Variants in HMHB1 observed in about 807,000 individuals in gnomAD.
HMHB1 encodes the protein minor histocompatibility protein HB-1.
A neutral mutation model predicts 2.4 loss-of-function variants in HMHB1; 4 were observed. The observed-to-expected ratio is 1.65, with a 90% CI of 0.81 to 3.77. The LOEUF (loss-of-function observed/expected upper bound fraction) is 3.77. Among genes scored for constraint, HMHB1 ranks in the 30% most tolerant of loss-of-function variants. HMHB1 has a pLI of 0.01. For synonymous variants in HMHB1, 22 were observed against 17.6 expected, an observed-to-expected ratio of 1.25 and a Z score of -0.63; for missense variants, 57 against 44.2, an observed-to-expected ratio of 1.29 and a Z score of -0.82.
intron 1 of HMHB1, among the ~76,000 whole-genome samples, chr5:143,816,765 T>C (rs906500033): frequency 6.6e-6 from 1 of 152,224 alleles, no homozygotes; most frequent in Admixed American, 6.5e-5. Context: ...TTTTAGTTCT[T>C]TAAAGAATCT....
intron 1 of HMHB1, among the ~76,000 whole-genome samples, chr5:143,812,787 A>G (rs1043104153): frequency 2.0e-5 from 3 of 152,138 alleles, no homozygotes; most frequent in African/African-American, 7.2e-5. Context: ...TCTTAGGATC[A>G]TGTGCCGGGG....
At chr5:143,817,971 G>T (rs571697238) in intron 1 of HMHB1, among the ~76,000 whole-genome samples, 1 of 152,136 alleles carries the variant, frequency 6.6e-6, no homozygotes, top group Non-Finnish European at 1.5e-5. Context: ...GGATTAGAAG[G>T]CTCAATATTA....
At chr5:143,815,757 A>ACTGCAGT (rs2064669772) in intron 1 of HMHB1, among the ~76,000 whole-genome samples, 1 of 148,604 alleles carries the variant, frequency 6.7e-6, no homozygotes, top group African/African-American at 2.5e-5. Flanking sequence ...CGGACTGCGG[A>ACTGCAGT]CTGCAGTGGC....
At chr5:143,815,463 T>G (rs1336043326) in intron 1 of HMHB1, among the ~76,000 whole-genome samples, 1 of 152,206 alleles carries the variant, frequency 6.6e-6, no homozygotes, top group Non-Finnish European at 1.5e-5. Flanking sequence ...ATGTATCCCT[T>G]TAACTTTCCT....
rs190896472 is a variant in HMHB1, at chr5:143,820,683, C to G, written c.*115C>G. On this transcript the variant is annotated 3_prime_UTR_variant, in exon 2 of 2. Coordinates refer to ENST00000289448, the MANE Select transcript of HMHB1 (RefSeq NM_021182.3). ...CAAGTGGAACATATGCCCTTTGCCT[C>G]TGCTCTGCACAGTGAAATGAAAAGT... is the stretch of plus-strand genomic sequence containing the variant. 3.2e-6 allele frequency: 2 copies of G among 619,822 alleles called. No individual in the cohort carries two copies. Among genetic ancestry groups the G allele is most frequent in the East Asian group, 2.7e-5 (1 of 36,806 alleles). The allele number at this position is 619,822 out of a possible 1,614,324, so 38.4% of individuals were successfully genotyped here.
At chr5:143,812,505 T>C (rs995386001) in intron 1 of HMHB1, among the ~76,000 whole-genome samples, 4 of 151,946 alleles carry the variant, frequency 2.6e-5, no homozygotes, top group Non-Finnish European at 4.4e-5. Flanking sequence ...TGAGGTTCGG[T>C]TTCATAGCCC....
intron 1 of HMHB1, among the ~76,000 whole-genome samples, chr5:143,812,633 T>C (rs1437850143): frequency 6.6e-6 from 1 of 152,148 alleles, no homozygotes; most frequent in South Asian, 2.1e-4. Flanking sequence ...GAAGTCCCTC[T>C]GGGTCGGAGC....
Position 143,820,538 on chromosome 5 carries a change from G to T in HMHB1, c.96G>T (p.Arg32Ser). The change falls in exon 2 of 2, where the codon AGG becomes AGT. Residue 32 changes from arginine (R) to serine (S), a missense_variant. Transcript: ENST00000289448. The stretch of plus-strand genomic sequence containing the variant: ...AAGTTGAAGATGATGTGTATCTGAG[G>T]CACAGCTCTTCCCTGACTTATAGGC... 6.2e-7 allele frequency: 1 copy of T among 1,612,868 alleles called. No homozygotes were observed.
At chr5:143,819,996 G>A (rs1001934297) in intron 1 of HMHB1, among the ~76,000 whole-genome samples, 1 of 151,976 alleles carries the variant, frequency 6.6e-6, no homozygotes, top group Admixed American at 6.5e-5. Context: ...ATGTTTTTCT[G>A]CTATTCAACA....
At chr5:143,820,350 A>AAAAAAAAAAAAAAAAAAAAAAAAAAAAAC (rs1759798690) in intron 1 of HMHB1, 130 bp from the exon 2 acceptor site, 1 of 196,678 alleles carries the variant, frequency 5.1e-6, no homozygotes. Flanking sequence ...AAAAAAAAAA[A>AAAAAAAAAAAAAAAAAAAAAAAAAAAAAC]CAGAACAAAA....
intron 1 of HMHB1, among the ~76,000 whole-genome samples, chr5:143,819,061 A>G (rs1759779041): frequency 6.6e-6 from 1 of 151,590 alleles, no homozygotes; most frequent in Non-Finnish European, 1.5e-5. Context: ...CCATCCTCCA[A>G]CTCCCACCTC....
At chr5:143,819,237 C>A (rs899960915) in intron 1 of HMHB1, among the ~76,000 whole-genome samples, 1 of 152,124 alleles carries the variant, frequency 6.6e-6, no homozygotes, top group African/African-American at 2.4e-5. Context: ...ATTTGGTTTG[C>A]CACTGGTAGG....
Position 143,812,208 on chromosome 5 carries a change from G to A in HMHB1, c.-60G>A. ...GGCTTGCCCCGCATCTCAGAAGCCG[G>A]GCAGGCCCTGAGCCTTCTGACCTCA... On this transcript the variant is annotated 5_prime_UTR_variant, in exon 1 of 2. Transcript: ENST00000289448. The A allele has an allele frequency of 3.3e-6, 5 of 1,512,536 alleles. No individual in the cohort carries two copies. The highest frequency in any genetic ancestry group is 4.5e-6 in the Non-Finnish European group (5 of 1,114,962). The allele number at this position is 1,512,536 out of a possible 1,614,324, so 93.7% of individuals were successfully genotyped here.
At chr5:143,817,491 G>T (rs930242622) in intron 1 of HMHB1, among the ~76,000 whole-genome samples, 1 of 152,182 alleles carries the variant, frequency 6.6e-6, no homozygotes, top group East Asian at 1.9e-4. Context: ...GTTTTTGTTT[G>T]CTCTGTCAAA....
intron 1 of HMHB1, among the ~76,000 whole-genome samples, chr5:143,819,634 C>CAAA (rs34190658): frequency 9.7e-5 from 8 of 82,632 alleles, no homozygotes; most frequent in African/African-American, 3.5e-4. Context: ...GACTCTGTCT[C>CAAA]AAAAAAAAAA....
chr5:143,815,847 C>G, intron 1 of HMHB1, among the ~76,000 whole-genome samples: 1 of 150,674 alleles, frequency 6.6e-6, no homozygotes, highest in African/African-American at 2.5e-5. Context: ...GCTGGGACTA[C>G]AGGCGCCCGC....
In HMHB1 at chr5:143,812,206, C is replaced by T. The variant is rs1043656424; in HGVS notation, c.-62C>T. ...GCGGCTTGCCCCGCATCTCAGAAGC[C>T]GGGCAGGCCCTGAGCCTTCTGACCT... On this transcript the variant is annotated 5_prime_UTR_variant, in exon 1 of 2. Transcript: ENST00000289448. The T allele has an allele frequency of 2.1e-5, 32 of 1,493,508 alleles. 1 individual carries two copies. The Middle Eastern group carries it at 6.9e-4, about 32-fold the overall frequency. 92.5% of individuals were successfully genotyped at this position (1,493,508 alleles called of 1,614,324 possible). A position where few individuals can be genotyped will look rare whatever the true frequency, so the allele number is the denominator to read the frequency against.
Position 143,819,695 on chromosome 5 carries a change from C to T in HMHB1, c.38-785C>T, listed in dbSNP as rs148949637. On this transcript the variant is annotated intron_variant, in intron 1 of 1. Coordinates refer to ENST00000289448, the MANE Select transcript of HMHB1 (RefSeq NM_021182.3). ...AGCACAATGGCAATACCCCATGTCTCAGTGTATACATTGAACATTTAGATT... is the reference window on the plus strand; with the variant it reads ...AGCACAATGGCAATACCCCATGTCTTAGTGTATACATTGAACATTTAGATT... Among the ~76,000 whole-genome samples, 24 of 151,270 alleles carry T rather than the reference C, an allele frequency of 1.6e-4. No individual in the cohort carries two copies. In the East Asian group the frequency reaches 4.7e-3, roughly 29 times the overall value.
chr5:143,816,285 A>G (rs1759748845), intron 1 of HMHB1, among the ~76,000 whole-genome samples: 1 of 151,976 alleles, frequency 6.6e-6, no homozygotes. Context: ...GATTTCTGAG[A>G]TTTTGGTGCA....
Sources: allele counts gnomAD v4.1 joint callset (sites outside exome capture counted in the v4.1 genomes callset), GRCh38; gene constraint gnomAD v4.1.1; transcripts MANE v1.5; gene names NCBI Gene and HGNC (gene_info 2026-07-23, HGNC 2026-07-21).